The following COG5 variants were observed in gnomAD, a reference collection of about 807,000 sequenced individuals.
COG5 encodes the protein conserved oligomeric Golgi complex subunit 5.
Under a neutral mutation model 110.4 loss-of-function variants are expected in COG5, and 86 were observed. The ratio of observed to expected loss-of-function variants is 0.78; its 90% confidence interval spans 0.65 to 0.93. COG5 has a LOEUF of 0.93. Ranked by LOEUF, COG5 falls within the 40% of genes least tolerant of loss-of-function variation. The pLI, the probability that COG5 is intolerant of heterozygous loss-of-function variation, is 0.00. For synonymous variants in COG5, 360 were observed against 334.6 expected (o/e 1.08, Z -0.83); for missense variants, 1,077 against 987.0 (o/e 1.09, Z -1.22).
chr7:107,208,736 C>G lies in COG5; in HGVS notation c.2375+1790G>C, dbSNP rs569563552. The stretch of plus-strand genomic sequence containing the variant: ...GATAAGCAAGGAAAAAGAGCAGGGT[C>G]CGAGCTAATCTTTATCCACACATAC... On this transcript the variant is annotated intron_variant, in intron 21 of 21. Coordinates refer to ENST00000297135, the MANE Select transcript of COG5 (RefSeq NM_006348.5). The G allele has an allele frequency of 8.1e-6, 8 of 985,420 alleles. No individual in the cohort carries two copies. The South Asian group carries it at 3.8e-4, about 46-fold the overall frequency. 61.0% of individuals were successfully genotyped at this position (985,420 alleles called of 1,614,324 possible).
chr7:107,401,138 C>T (rs1436736436), intron 7 of COG5, among the ~76,000 whole-genome samples: 1 of 151,692 alleles, frequency 6.6e-6, no homozygotes, highest in Non-Finnish European at 1.5e-5. Flanking sequence ...ACTGCGGCAA[C>T]ATAAAAAAAC....
chr7:107,457,981 G>A (rs1307659907), intron 6 of COG5, among the ~76,000 whole-genome samples: 1 of 152,144 alleles, frequency 6.6e-6, no homozygotes, highest in Non-Finnish European at 1.5e-5. Flanking sequence ...GAAATAATGA[G>A]GAACTCTTAA....
intron 18 of COG5, among the ~76,000 whole-genome samples, chr7:107,235,639 G>T (rs964339225): frequency 6.6e-6 from 1 of 152,200 alleles, no homozygotes; most frequent in Non-Finnish European, 1.5e-5. Flanking sequence ...GGAGGTGGAG[G>T]TTGCAGTGAG....
intron 6 of COG5, among the ~76,000 whole-genome samples, chr7:107,413,910 T>G (rs1174921856): frequency 6.6e-6 from 1 of 152,212 alleles, no homozygotes; most frequent in East Asian, 1.9e-4. Context: ...ATCCGAAGAA[T>G]CTAAGTAATC....
rs141262118 is a variant in COG5 at position 107,395,490 on chromosome 7, T to TA, written c.669+17011dup. 4.2e-3 allele frequency among the ~76,000 whole-genome samples: 630 copies of TA among 151,322 alleles called. 6 individuals carry two copies. Among genetic ancestry groups the TA allele is most frequent in the African/African-American group, 0.015 (615 of 41,312 alleles). On this transcript the variant is annotated intron_variant, in intron 7 of 21. Transcript: ENST00000297135. ...CTACTAAAAAGCGATACAGCTTTTT[T>TA]AAATAGTGTGTAAAGGGTACAAATC...
chr7:107,562,507 G>T (rs1421208007), intron 1 of COG5, among the ~76,000 whole-genome samples: 1 of 152,010 alleles, frequency 6.6e-6, no homozygotes, highest in Non-Finnish European at 1.5e-5. Flanking sequence ...CTATATTACA[G>T]CACCTACCTT....
chr7:107,529,079 T>C (rs1022335753), intron 5 of COG5, among the ~76,000 whole-genome samples: 1 of 143,360 alleles, frequency 7.0e-6, no homozygotes, highest in Non-Finnish European at 1.5e-5. Context: ...AAATTGACAA[T>C]TGGGGCATCT....
At chr7:107,278,802 A>T (rs576001128) in intron 14 of COG5, among the ~76,000 whole-genome samples, 304 of 152,314 alleles carry the variant, frequency 2.0e-3, no homozygotes, top group Non-Finnish European at 3.6e-3. Context: ...TGGATTAAAG[A>T]CTTAAATGTA....
At chr7:107,354,109 T>C (rs1180171911) in intron 10 of COG5, among the ~76,000 whole-genome samples, 1 of 152,216 alleles carries the variant, frequency 6.6e-6, no homozygotes, top group Non-Finnish European at 1.5e-5. Flanking sequence ...CATTTTCAAA[T>C]TGTTATAGCA....
At chr7:107,428,496 C>G (rs1000659493) in intron 6 of COG5, among the ~76,000 whole-genome samples, 2 of 152,082 alleles carry the variant, frequency 1.3e-5, no homozygotes, top group Admixed American at 1.3e-4. Flanking sequence ...AGAATGACCA[C>G]AATCACCAAA....
chr7:107,499,637 C>T (rs1246650794), intron 6 of COG5, among the ~76,000 whole-genome samples: 1 of 152,002 alleles, frequency 6.6e-6, no homozygotes, highest in Non-Finnish European at 1.5e-5. Flanking sequence ...GAACTCCTGA[C>T]CTCAAGAGAT....
chr7:107,273,692 T>C (rs967206577), intron 14 of COG5, among the ~76,000 whole-genome samples: 24 of 151,990 alleles, frequency 1.6e-4, no homozygotes, highest in Middle Eastern at 3.4e-3. Context: ...AATTGCTCAA[T>C]TGAATTCAAG....
chr7:107,449,893 C>CA (rs1167897278), intron 6 of COG5, among the ~76,000 whole-genome samples: 1 of 151,974 alleles, frequency 6.6e-6, no homozygotes, highest in African/African-American at 2.4e-5. Flanking sequence ...ATGATTGCTA[C>CA]AAAAAAGGCA....
intron 6 of COG5, among the ~76,000 whole-genome samples, chr7:107,507,723 C>G (rs763558412): frequency 6.6e-6 from 1 of 151,748 alleles, no homozygotes; most frequent in Non-Finnish European, 1.5e-5. Flanking sequence ...ATAAATCATA[C>G]TTTCATCTAT....
At chr7:107,511,436 A>G (rs1367331999) in intron 6 of COG5, among the ~76,000 whole-genome samples, 1 of 152,202 alleles carries the variant, frequency 6.6e-6, no homozygotes, top group African/African-American at 2.4e-5. Context: ...CCAGGAGCAG[A>G]TGGATTCACA....
chr7:107,520,828 T>C (rs891367694), intron 6 of COG5, among the ~76,000 whole-genome samples: 6 of 152,064 alleles, frequency 3.9e-5, no homozygotes, highest in African/African-American at 1.4e-4. Context: ...AAAGAGCTCA[T>C]ATAGCCAAGA....
chr7:107,303,393 A>G (rs1025837652), intron 11 of COG5, among the ~76,000 whole-genome samples: 1 of 152,020 alleles, frequency 6.6e-6, no homozygotes, highest in Non-Finnish European at 1.5e-5. Flanking sequence ...AACAAGTATT[A>G]TATATTTAAA....
At chr7:107,414,831 G>A (rs1160495167) in intron 6 of COG5, among the ~76,000 whole-genome samples, 8 of 146,134 alleles carry the variant, frequency 5.5e-5, no homozygotes, top group Non-Finnish European at 1.2e-4. Flanking sequence ...GGTTCAAAGT[G>A]ATTCCCCTGC....
Position 107,474,605 on chromosome 7 carries a change from T to G in COG5, c.538+52632A>C. The G allele has an allele frequency of 6.2e-7, 1 of 1,610,606 alleles. No individual in the cohort carries two copies. The highest frequency in any genetic ancestry group is 8.5e-7 in the Non-Finnish European group (1 of 1,178,504). On this transcript the variant is annotated intron_variant, in intron 6 of 21. Transcript: ENST00000297135. This position sits in a 1 kb window ranked among gnomAD's most constrained non-coding sequence, Gnocchi z 5.7. ...ATTCCTTTTATTGAGGTAAATTTTT[T>G]CAGTCTTCAAAGTGGAAATACCTGG...
Sources: gnomAD v4.1 joint callset for allele counts (sites outside exome capture counted in the v4.1 genomes callset) on GRCh38, gnomAD v4.1.1 for gene constraint, Gnocchi (gnomAD v3.1) non-coding constraint, MANE v1.5 for transcripts, NCBI Gene and HGNC (gene_info 2026-07-23, HGNC 2026-07-21) for gene names.